L3MBTL4: variants seen among roughly 807,000 people sequenced by gnomAD.
The protein encoded by L3MBTL4 is L3MBTL histone methyl-lysine binding protein 4, also known as lethal(3)malignant brain tumor-like protein 4.
Under a neutral mutation model 84.5 loss-of-function variants are expected in L3MBTL4, and 70 were observed. That is an observed-to-expected ratio of 0.83 (90% confidence interval 0.68 to 1.01). The LOEUF is 1.01. Ranked by LOEUF, L3MBTL4 falls within the 50% of genes least tolerant of loss-of-function variation. The probability of loss-of-function intolerance (pLI) is 0.00; values close to 1 mark genes in which losing one functional copy is unlikely to be tolerated. For synonymous variants in L3MBTL4, 274 were observed against 259.8 expected (o/e 1.05, Z -0.52); for missense variants, 715 against 754.8 (o/e 0.95, Z 0.62).
chr18:6,023,706 GATA>G (rs753394367), intron 16 of L3MBTL4, among the ~76,000 whole-genome samples: 1 of 152,184 alleles, frequency 6.6e-6, no homozygotes, highest in South Asian at 2.1e-4. Context: ...CATATACCGT[GATA>G]ATAAACTGTG....
At chr18:5,975,402 T>C (rs575009548) in intron 16 of L3MBTL4, among the ~76,000 whole-genome samples, 2 of 152,312 alleles carry the variant, frequency 1.3e-5, no homozygotes, top group East Asian at 3.9e-4. Context: ...TCACCCACTG[T>C]GTAATCTGTG....
intron 14 of L3MBTL4, among the ~76,000 whole-genome samples, chr18:6,113,919 C>T (rs2059275862): frequency 6.6e-6 from 1 of 152,156 alleles, no homozygotes; most frequent in South Asian, 2.1e-4. Context: ...TGATGTTTGT[C>T]CACAGTCTAC....
intron 5 of L3MBTL4, among the ~76,000 whole-genome samples, chr18:6,246,849 A>G (rs924386119): frequency 6.6e-6 from 1 of 152,202 alleles, no homozygotes; most frequent in African/African-American, 2.4e-5. Context: ...GGTTGCGGTG[A>G]GCCAAGATTG....
chr18:6,387,974 T>C (rs909579904), intron 1 of L3MBTL4, among the ~76,000 whole-genome samples: 1 of 152,108 alleles, frequency 6.6e-6, no homozygotes, highest in Non-Finnish European at 1.5e-5. Flanking sequence ...ATCTAGAGTG[T>C]GGAGGAGTAA....
At chr18:6,371,975 C>A (rs1335834841) in intron 1 of L3MBTL4, among the ~76,000 whole-genome samples, 2 of 152,180 alleles carry the variant, frequency 1.3e-5, no homozygotes, top group Admixed American at 1.3e-4. Context: ...TGTCACAACT[C>A]AGAACTGTTG....
intron 1 of L3MBTL4, among the ~76,000 whole-genome samples, chr18:6,356,203 T>G (rs1321143726): frequency 6.6e-6 from 1 of 152,204 alleles, no homozygotes; most frequent in African/African-American, 2.4e-5. Flanking sequence ...CAGTACCTGG[T>G]GCAAGATGAC....
chr18:6,251,992 C>T (rs1410848679), intron 5 of L3MBTL4, among the ~76,000 whole-genome samples: 1 of 152,094 alleles, frequency 6.6e-6, no homozygotes, highest in Non-Finnish European at 1.5e-5. Flanking sequence ...TAGACATGAC[C>T]ATGGAATACA....
intron 16 of L3MBTL4, among the ~76,000 whole-genome samples, chr18:6,023,641 A>G (rs2055368760): frequency 1.3e-5 from 2 of 152,220 alleles, no homozygotes; most frequent in African/African-American, 4.8e-5. Flanking sequence ...ATAGTTTACA[A>G]CTATTGAAGT....
In L3MBTL4 at chr18:6,353,306, C is replaced by T. The variant is rs112898043; in HGVS notation, c.-90-41250G>A. Among the ~76,000 whole-genome samples, 1,238 of 151,708 alleles carry T rather than the reference C, an allele frequency of 8.2e-3. 22 individuals are homozygous for T. Among genetic ancestry groups the T allele is most frequent in the African/African-American group, 0.028 (1,172 of 41,378 alleles). On this transcript the variant is annotated intron_variant, in intron 1 of 18. Coordinates refer to ENST00000317931, the MANE Select transcript of L3MBTL4 (RefSeq NM_001330559.2). Reference sequence around the variant, plus strand: ...AAAAAAAAAAAAAAATGCTTATTTGCTGCTCATCACTTATATAATATTCTA... The same window carrying T: ...AAAAAAAAAAAAAAATGCTTATTTGTTGCTCATCACTTATATAATATTCTA...
chr18:6,052,464 G>A (rs544752642), intron 16 of L3MBTL4, among the ~76,000 whole-genome samples: 2 of 152,296 alleles, frequency 1.3e-5, no homozygotes, highest in East Asian at 3.9e-4. Flanking sequence ...AAATATATTG[G>A]ATTGTAATAA....
chr18:6,031,843 C>T, intron 16 of L3MBTL4: 1 of 983,914 alleles, frequency 1.0e-6, no homozygotes, highest in Non-Finnish European at 1.2e-6. Context: ...ACAGATTTAG[C>T]AGGCACAAGT....
intron 16 of L3MBTL4, among the ~76,000 whole-genome samples, chr18:5,989,353 A>T (rs1394396075): frequency 6.6e-6 from 1 of 152,166 alleles, no homozygotes; most frequent in East Asian, 1.9e-4. Context: ...AGGCATAAAT[A>T]AAAAAATATT....
chr18:6,020,497 T>C (rs2055198260), intron 16 of L3MBTL4, among the ~76,000 whole-genome samples: 1 of 152,046 alleles, frequency 6.6e-6, no homozygotes, highest in African/African-American at 2.4e-5. Flanking sequence ...AGTGCCATGA[T>C]TAGATTTGAA....
intron 14 of L3MBTL4, among the ~76,000 whole-genome samples, chr18:6,101,296 C>G (rs536129056): frequency 1.3e-5 from 2 of 152,292 alleles, no homozygotes; most frequent in Admixed American, 1.3e-4. Context: ...AGGTCCCCAG[C>G]TGGTCTGCGT....
intron 14 of L3MBTL4, among the ~76,000 whole-genome samples, chr18:6,127,038 A>T (rs1217564034): frequency 1.3e-5 from 2 of 152,212 alleles, no homozygotes; most frequent in African/African-American, 4.8e-5. Context: ...TGAAGGTGAC[A>T]CCAAATTAAG....
intron 16 of L3MBTL4, among the ~76,000 whole-genome samples, chr18:5,999,045 C>G (rs988631351): frequency 6.6e-6 from 1 of 152,182 alleles, no homozygotes; most frequent in Non-Finnish European, 1.5e-5. Flanking sequence ...TGAAGGAACA[C>G]TCTTTAGCAT....
intron 1 of L3MBTL4, among the ~76,000 whole-genome samples, chr18:6,317,349 GA>G (rs1363274337): frequency 2.1e-4 from 31 of 149,688 alleles, no homozygotes; most frequent in African/African-American, 7.4e-4. Flanking sequence ...ATAAAGAAAT[GA>G]AAAAAAAATT....
Position 6,026,714 on chromosome 18 carries a change from A to C in L3MBTL4, c.1444+54167T>G, listed in dbSNP as rs529438674. On this transcript the variant is annotated intron_variant, in intron 16 of 18. Coordinates refer to ENST00000317931, the MANE Select transcript of L3MBTL4 (RefSeq NM_001330559.2). ...TAGTGAGGACTTATAATAGTGACTGAGAGTATGATTACAAACATAAGGGGT... is the reference window on the plus strand; with the variant it reads ...TAGTGAGGACTTATAATAGTGACTGCGAGTATGATTACAAACATAAGGGGT... Among the ~76,000 whole-genome samples the C allele has an allele frequency of 2.1e-3, 322 of 152,216 alleles. 6 individuals are homozygous for C. The highest frequency in any genetic ancestry group is 1.4e-3 in the Non-Finnish European group (92 of 68,038).
intron 16 of L3MBTL4, among the ~76,000 whole-genome samples, chr18:5,972,201 T>C (rs1017111507): frequency 4.6e-5 from 7 of 152,240 alleles, no homozygotes; most frequent in Non-Finnish European, 2.9e-5. Flanking sequence ...TGGGAAATGC[T>C]TGCCAGAATC....
Sources: gnomAD v4.1 joint callset for allele counts (sites outside exome capture counted in the v4.1 genomes callset) on GRCh38, gnomAD v4.1.1 for gene constraint, MANE v1.5 for transcripts, NCBI Gene and HGNC (gene_info 2026-07-23, HGNC 2026-07-21) for gene names.